UBE2E2: variants seen among roughly 807,000 people sequenced by gnomAD.
UBE2E2 encodes ubiquitin-conjugating enzyme E2 E2.
Under a neutral mutation model 24.7 loss-of-function variants are expected in UBE2E2, and 6 were observed. That is an observed-to-expected ratio of 0.24 (90% confidence interval 0.13 to 0.48). UBE2E2 has a LOEUF of 0.48. Ranked by LOEUF, UBE2E2 falls within the 20% of genes least tolerant of loss-of-function variation. UBE2E2 has a pLI of 0.99. For missense variants in UBE2E2, 169 were observed against 245.0 expected (o/e 0.69, Z 2.07); for synonymous variants, 104 against 83.6 (o/e 1.24, Z -1.33).
At chr3:23,580,307 A>G (rs1321921552) in intron 5 of UBE2E2, among the ~76,000 whole-genome samples, 2 of 152,172 alleles carry the variant, frequency 1.3e-5, no homozygotes, top group Non-Finnish European at 2.9e-5. Context: ...GGCAAACTGT[A>G]TTGTTGTCTT....
At chr3:23,531,814 C>T (rs1032004233) in intron 4 of UBE2E2, among the ~76,000 whole-genome samples, 1 of 152,064 alleles carries the variant, frequency 6.6e-6, no homozygotes, top group African/African-American at 2.4e-5. Flanking sequence ...GTAATCCTAG[C>T]ACTTTGGGAG....
chr3:23,545,942 A>G (rs754786861), intron 5 of UBE2E2, among the ~76,000 whole-genome samples: 31 of 152,216 alleles, frequency 2.0e-4, no homozygotes, highest in Non-Finnish European at 4.0e-4. Flanking sequence ...TCTCACTTAT[A>G]AAGCTAAGCT....
chr3:23,484,644 A>G lies in UBE2E2; in HGVS notation c.228-14964A>G, dbSNP rs868171614. On this transcript the variant is annotated intron_variant, in intron 3 of 5. Transcript: ENST00000396703. ...TCCATTTTCGTACTGCTGTGAAGAA[A>G]TACCCAAGACTGGGTAATTTATAAA... Among the ~76,000 whole-genome samples the G allele has an allele frequency of 3.3e-5, 5 of 152,172 alleles. No homozygotes were observed. The South Asian group carries it at 8.3e-4, about 25-fold the overall frequency.
chr3:23,491,881 C>T lies in UBE2E2; in HGVS notation c.228-7727C>T, dbSNP rs541470854. 3.9e-5 allele frequency among the ~76,000 whole-genome samples: 6 copies of T among 152,126 alleles called. No individual in the cohort carries two copies. In the South Asian group the frequency reaches 1.2e-3, roughly 32 times the overall value. On this transcript the variant is annotated intron_variant, in intron 3 of 5. Transcript: ENST00000396703. ...TAATCTAAATGAGAGCTGATGCGGC[C>T]AATAATCAGAGTACAGAGATAACAA...
upstream of UBE2E2, chr3:23,203,235 G>T: frequency 1.0e-6 from 1 of 988,560 alleles, no homozygotes; most frequent in South Asian, 4.5e-5. Context: ...TGGAACGGCC[G>T]GGGGCGGCGG....
At position 23,286,743 on chromosome 3, in the gene UBE2E2, T is replaced by G. The variant is rs1054405364; in HGVS notation, c.227+69431T>G. On this transcript the variant is annotated intron_variant, in intron 3 of 5. Transcript: ENST00000396703. The stretch of plus-strand genomic sequence containing the variant: ...TTAATCTGTAGATTGCCTTCAGTAG[T>G]ATGGACGTTTTAACAGTATTGATTC... Among the ~76,000 whole-genome samples the G allele has an allele frequency of 2.6e-5, 4 of 152,302 alleles. No homozygotes were observed. In the East Asian group the frequency reaches 7.7e-4, roughly 29 times the overall value.
chr3:23,403,969 G>A (rs1697292611), intron 3 of UBE2E2, among the ~76,000 whole-genome samples: 2 of 152,092 alleles, frequency 1.3e-5, no homozygotes, highest in Admixed American at 6.6e-5. Context: ...TTCTCATTTT[G>A]CCTTCTTCTT....
intron 3 of UBE2E2, among the ~76,000 whole-genome samples, chr3:23,282,318 A>C (rs1414958025): frequency 6.6e-6 from 1 of 152,214 alleles, no homozygotes; most frequent in Admixed American, 6.5e-5. Flanking sequence ...TATTAATATA[A>C]TGAATACATA....
At chr3:23,496,688 T>A (rs1699609318) in intron 3 of UBE2E2, among the ~76,000 whole-genome samples, 1 of 152,214 alleles carries the variant, frequency 6.6e-6, no homozygotes, top group Non-Finnish European at 1.5e-5. Flanking sequence ...TTGTTTCCAA[T>A]TTTGCTATTA....
chr3:23,541,693 C>CG (rs139682575), intron 5 of UBE2E2, among the ~76,000 whole-genome samples: 6,892 of 152,278 alleles, frequency 0.045, 525 homozygotes, highest in African/African-American at 0.15. Flanking sequence ...AATGGTTCTT[C>CG]CCCACCACCG....
intron 3 of UBE2E2, among the ~76,000 whole-genome samples, chr3:23,262,461 T>G (rs887513470): frequency 2.6e-5 from 4 of 152,076 alleles, no homozygotes; most frequent in Non-Finnish European, 5.9e-5. Context: ...AATGTTTTTT[T>G]GTGGAGATGC....
chr3:23,212,542 T>C (rs1004569241), intron 2 of UBE2E2, among the ~76,000 whole-genome samples: 3 of 152,288 alleles, frequency 2.0e-5, no homozygotes, highest in African/African-American at 7.2e-5. Context: ...ATTAACTGTT[T>C]AGAGTGGACA....
intron 3 of UBE2E2, among the ~76,000 whole-genome samples, chr3:23,424,190 C>A (rs1027130064): frequency 6.6e-6 from 1 of 151,980 alleles, no homozygotes; most frequent in African/African-American, 2.4e-5. Context: ...GTTTAAGGAA[C>A]TTTTTTTTCT....
Position 23,460,988 on chromosome 3 carries a change from A to G in UBE2E2, c.228-38620A>G, listed in dbSNP as rs150026984. On this transcript the variant is annotated intron_variant, in intron 3 of 5. Coordinates refer to ENST00000396703, the MANE Select transcript of UBE2E2 (RefSeq NM_152653.4). ...AAACCAGTAAGGTTTTCTTATTTCC[A>G]TTTTATAGATAAGGAAACAGACTTC... 1.8e-3 allele frequency among the ~76,000 whole-genome samples: 268 copies of G among 152,260 alleles called. 2 individuals are homozygous for G. Among genetic ancestry groups the G allele is most frequent in the Non-Finnish European group, 2.0e-3 (133 of 68,010 alleles).
chr3:23,279,626 A>G (rs2125370336), intron 3 of UBE2E2, among the ~76,000 whole-genome samples: 1 of 152,316 alleles, frequency 6.6e-6, no homozygotes, highest in Admixed American at 6.5e-5. Flanking sequence ...AGCCAGTTGG[A>G]ACCAGCTTAG....
In UBE2E2 at chr3:23,551,311, A is replaced by G. The variant is rs1695637495; in HGVS notation, c.508+18610A>G. 2.6e-5 allele frequency among the ~76,000 whole-genome samples: 4 copies of G among 152,246 alleles called. No individual in the cohort carries two copies. In the South Asian group the frequency reaches 6.2e-4, roughly 24 times the overall value. On this transcript the variant is annotated intron_variant, in intron 5 of 5. Transcript: ENST00000396703. ...CTTTTAAGTTAATTACTAAAGCATT[A>G]TAACTTTGGTAAGTATTCTCAAATT...
chr3:23,584,238 C>T (rs1696552902), intron 5 of UBE2E2, among the ~76,000 whole-genome samples: 1 of 152,164 alleles, frequency 6.6e-6, no homozygotes, highest in Admixed American at 6.5e-5. Context: ...TGTGTTGAAC[C>T]AACCTTGCAT....
intron 3 of UBE2E2, among the ~76,000 whole-genome samples, chr3:23,355,360 A>C (rs1454768600): frequency 2.0e-4 from 31 of 152,140 alleles, no homozygotes; most frequent in Admixed American, 2.0e-3. Context: ...ATGTACCCTA[A>C]AACTTAAAGT....
intron 3 of UBE2E2, among the ~76,000 whole-genome samples, chr3:23,245,319 A>G (rs1291484680): frequency 6.6e-6 from 1 of 152,178 alleles, no homozygotes; most frequent in South Asian, 2.1e-4. Flanking sequence ...ATTATGCTGA[A>G]TATTGTCATA....
Sources: allele counts gnomAD v4.1 joint callset (sites outside exome capture counted in the v4.1 genomes callset), GRCh38; gene constraint gnomAD v4.1.1; transcripts MANE v1.5; gene names NCBI Gene and HGNC (gene_info 2026-07-23, HGNC 2026-07-21).